The following CCDC88A variants were observed in gnomAD, a reference collection of about 807,000 sequenced individuals.
The protein encoded by CCDC88A is girdin.
Under a neutral mutation model 234.3 loss-of-function variants are expected in CCDC88A, and 54 were observed. The observed-to-expected ratio is 0.23, with a 90% CI of 0.19 to 0.29. The LOEUF (loss-of-function observed/expected upper bound fraction) is 0.29. Ranked by LOEUF, CCDC88A falls within the 10% of genes least tolerant of loss-of-function variation. The pLI is 1.00. For synonymous variants in CCDC88A, 753 were observed against 737.8 expected (o/e 1.02, Z -0.33); for missense variants, 1,832 against 2,123.4 (o/e 0.86, Z 2.70).
Position 55,332,382 on chromosome 2 carries a change from A to G in CCDC88A, c.2855+184T>C. 1 of 1,044,120 alleles carries G rather than the reference A, an allele frequency of 9.6e-7. No homozygotes were observed. Among genetic ancestry groups the G allele is most frequent in the Non-Finnish European group, 1.2e-6 (1 of 826,694 alleles). 64.7% of individuals were successfully genotyped at this position (1,044,120 alleles called of 1,614,324 possible). A position where few individuals can be genotyped will look rare whatever the true frequency, so the allele number is the denominator to read the frequency against. On this transcript the variant is annotated intron_variant, in intron 16 of 32. Coordinates refer to ENST00000436346, the MANE Select transcript of CCDC88A (RefSeq NM_001365480.1). This position sits in a 1 kb window ranked among gnomAD's most constrained non-coding sequence, Gnocchi z 4.5. ...GGTGATCCGCCCGCTTCAGCCTCCCAAAGTGCTGGGATTATAGGTGTGAGC... is the reference window on the plus strand; with the variant it reads ...GGTGATCCGCCCGCTTCAGCCTCCCGAAGTGCTGGGATTATAGGTGTGAGC...
chr2:55,416,439 AATAAATATATATATAT>A (rs1681438241), intron 2 of CCDC88A, among the ~76,000 whole-genome samples: 4 of 25,586 alleles, frequency 1.6e-4, no homozygotes. Context: ...TAAATAAATA[AATAAATATATATATAT>A]ATATATATAT....
intron 12 of CCDC88A, among the ~76,000 whole-genome samples, chr2:55,340,486 C>A (rs1305855305): frequency 6.6e-6 from 1 of 152,132 alleles, no homozygotes; most frequent in Non-Finnish European, 1.5e-5. Flanking sequence ...TTCTAGTCAT[C>A]ATGTTGTTAA....
intron 5 of CCDC88A, among the ~76,000 whole-genome samples, chr2:55,371,709 C>T (rs1672871517): frequency 6.6e-6 from 1 of 152,160 alleles, no homozygotes; most frequent in African/African-American, 2.4e-5. Flanking sequence ...TGGTCTCAAA[C>T]TCCTGGCCTC....
At chr2:55,324,922 A>T (rs964744646) in intron 17 of CCDC88A, among the ~76,000 whole-genome samples, 5 of 152,242 alleles carry the variant, frequency 3.3e-5, no homozygotes, top group African/African-American at 1.2e-4. Flanking sequence ...CTGGGATTAC[A>T]GGCAAGAGCT....
intron 8 of CCDC88A, chr2:55,350,575 C>G (rs951284328): frequency 2.7e-5 from 4 of 148,882 alleles, no homozygotes; most frequent in Admixed American, 1.3e-4. Flanking sequence ...CATCTCGTGC[C>G]CTTACATTTT....
rs749982942 is a variant in CCDC88A, at chr2:55,296,041, G to C, written c.5107C>G (p.Gln1703Glu). Residue 1703 changes from glutamine to glutamate, a missense_variant, in exon 31 of 33, where the codon CAA (glutamine) becomes GAA (glutamate). Physicochemically the swap from Gln to Glu is conservative, Grantham distance 29. Transcript: ENST00000436346. Reference sequence around the variant, plus strand: ...ATTACTTCATCTAAAAGATTCTCTTGACTTGAGGACTTTATCTGTTTAAAA... The same window carrying C: ...ATTACTTCATCTAAAAGATTCTCTTCACTTGAGGACTTTATCTGTTTAAAA... The part of the protein sequence containing the change: ...LTSVQIKSSS[Q>E]ENLLDEVMKS... The C allele has an allele frequency of 3.3e-5, 53 of 1,595,492 alleles. No homozygotes were observed. The highest frequency in any genetic ancestry group is 4.2e-5 in the Non-Finnish European group (49 of 1,174,670).
At position 55,309,206 on chromosome 2, in the gene CCDC88A, TTTCTC is replaced by T; in HGVS notation, c.4123_4127del (p.Glu1375AsnfsTer9). On this transcript the variant is annotated frameshift_variant, in exon 24 of 33. Coordinates refer to ENST00000436346, the MANE Select transcript of CCDC88A (RefSeq NM_001365480.1). LOFTEE classifies it high-confidence loss of function. This position sits in a 1 kb window ranked among gnomAD's most constrained non-coding sequence, Gnocchi z 5.1. The stretch of plus-strand genomic sequence containing the variant: ...CATAAAATTTGTATTGATCCATAAT[TTTCTC>T]TTCTAGTTTCTCCTTCTGACGTCTT... 6.4e-7 allele frequency: 1 copy of T among 1,559,116 alleles called. No individual in the cohort carries two copies. The highest frequency in any genetic ancestry group is 2.3e-5 in the East Asian group (1 of 44,238).
intron 15 of CCDC88A, among the ~76,000 whole-genome samples, chr2:55,333,750 A>T (rs1161393468): frequency 6.6e-6 from 1 of 152,112 alleles, no homozygotes; most frequent in African/African-American, 2.4e-5. Context: ...CTTGGCACAC[A>T]GCACTCAATA....
intron 3 of CCDC88A, among the ~76,000 whole-genome samples, chr2:55,382,610 A>T (rs1441112212): frequency 6.6e-6 from 1 of 152,156 alleles, no homozygotes; most frequent in African/African-American, 2.4e-5. Flanking sequence ...AGAAAAATAA[A>T]TTTTTTAAGA....
At chr2:55,295,158 A>G (rs1003135918) in intron 31 of CCDC88A, 1 of 1,307,656 alleles carries the variant, frequency 7.6e-7, no homozygotes, top group African/African-American at 1.5e-5. Flanking sequence ...TGCAGAAGTG[A>G]CAAGATTGTT....
At chr2:55,349,144 T>C (rs1430286775) in intron 9 of CCDC88A, 1 of 168,028 alleles carries the variant, frequency 6.0e-6, no homozygotes, top group Non-Finnish European at 1.3e-5. Context: ...TTCTATTACA[T>C]ATGAGTTAGC....
Position 55,355,686 on chromosome 2 carries a change from T to C in CCDC88A, c.693A>G (p.Ala231=), listed in dbSNP as rs1198767052. 1 of 1,614,100 alleles carries C rather than the reference T, an allele frequency of 6.2e-7. No homozygotes were observed. Among genetic ancestry groups the C allele is most frequent in the Non-Finnish European group, 8.5e-7 (1 of 1,179,950 alleles). Residue 231 remains alanine, a synonymous_variant, in exon 8 of 33, where the codon GCA becomes GCG. Coordinates refer to ENST00000436346, the MANE Select transcript of CCDC88A (RefSeq NM_001365480.1). Reference sequence around the variant, plus strand: ...TGCCTGGAGAACCACAGGGTGACTGTGCAGATGAAGAGGCATGGGGTAGAA... The same window carrying C: ...TGCCTGGAGAACCACAGGGTGACTGCGCAGATGAAGAGGCATGGGGTAGAA... ...LHFLPHASSS[A]QSPCGSPGMK...
In CCDC88A at chr2:55,394,854, G is replaced by GT. The variant is rs574473855; in HGVS notation, c.165-5969dup. Among the ~76,000 whole-genome samples, 1,391 of 149,802 alleles carry GT rather than the reference G, an allele frequency of 9.3e-3. 11 individuals are homozygous for GT. Among genetic ancestry groups the GT allele is most frequent in the African/African-American group, 0.031 (1,256 of 40,754 alleles). ...AAAAAATGTTTTTGTTTTTGTTTTTGTTTTTTTTTGAGATGGAGTCTCACT... is the reference window on the plus strand; with the variant it reads ...AAAAAATGTTTTTGTTTTTGTTTTTGTTTTTTTTTTGAGATGGAGTCTCACT... On this transcript the variant is annotated intron_variant, in intron 2 of 32. Transcript: ENST00000436346.
In CCDC88A at chr2:55,296,488, G is replaced by A. The variant is rs1440463874; in HGVS notation, c.4861C>T (p.His1621Tyr). 3 of 1,614,076 alleles carry A rather than the reference G, an allele frequency of 1.9e-6. No individual in the cohort carries two copies. Among genetic ancestry groups the A allele is most frequent in the Non-Finnish European group, 1.7e-6 (2 of 1,180,044 alleles). Residue 1621 changes from histidine to tyrosine, a missense_variant, in exon 30 of 33, where the codon CAC becomes TAC. His to Tyr is a moderately conservative substitution (Grantham distance 83). Coordinates refer to ENST00000436346, the MANE Select transcript of CCDC88A (RefSeq NM_001365480.1). ...AVNNQSRPQS[H>Y]SSGEFSLLHD... is the part of the protein sequence containing the mutation. The stretch of plus-strand genomic sequence containing the variant: ...AGCAGGCTAAATTCTCCACTGCTGT[G>A]GCTTTGTGGCCTGCTTTGGTTATTA...
chr2:55,361,233 T>A (rs1649230904), intron 7 of CCDC88A, among the ~76,000 whole-genome samples: 2 of 152,162 alleles, frequency 1.3e-5, no homozygotes, highest in African/African-American at 4.8e-5. Context: ...AGAGAACGCA[T>A]AAATCAGTAA....
In CCDC88A at chr2:55,334,799, T is replaced by C; in HGVS notation, c.2022A>G (p.Lys674=). 6.3e-7 allele frequency: 1 copy of C among 1,580,120 alleles called. No homozygotes were observed. The highest frequency in any genetic ancestry group is 8.6e-7 in the Non-Finnish European group (1 of 1,164,592). Residue 674 remains lysine, a synonymous_variant, in exon 15 of 33, where the codon AAA becomes AAG. Transcript: ENST00000436346. The surrounding 1 kb of genome is among the most constrained non-coding windows in gnomAD (Gnocchi z 6.1). ...ENSELERENR[K]LKKTLDSFKN... is the part of the protein sequence containing the mutation. ...TAAAGCTATCCAATGTTTTTTTTAA[T>C]TTTCTATTTTCTCTTTCTAGCTCTG... is the stretch of plus-strand genomic sequence containing the variant.
intron 6 of CCDC88A, chr2:55,363,704 T>C (rs542171587): frequency 4.8e-5 from 16 of 331,500 alleles, no homozygotes; most frequent in Non-Finnish European, 8.7e-5. Context: ...ATATACCTCA[T>C]TCCTCAAATA....
intron 29 of CCDC88A, 195 bp from the exon 30 acceptor site, chr2:55,296,718 T>C (rs932239105): frequency 6.6e-6 from 4 of 602,466 alleles, no homozygotes; most frequent in Non-Finnish European, 1.1e-5. Flanking sequence ...TGCTTCCTTA[T>C]TTTGTCAAAC....
At chr2:55,360,203 A>G (rs569975079) in intron 7 of CCDC88A, among the ~76,000 whole-genome samples, 3 of 152,346 alleles carry the variant, frequency 2.0e-5, no homozygotes, top group African/African-American at 7.2e-5. Flanking sequence ...GTTCTATAGC[A>G]TTAAGAATAC....
Sources: gnomAD v4.1 joint callset for allele counts (sites outside exome capture counted in the v4.1 genomes callset) on GRCh38, gnomAD v4.1.1 for gene constraint, Gnocchi (gnomAD v3.1) non-coding constraint, MANE v1.5 for transcripts, NCBI Gene and HGNC (gene_info 2026-07-23, HGNC 2026-07-21) for gene names.